The following SPNS1 variants were observed in gnomAD, a reference collection of about 807,000 sequenced individuals.
SPNS1 encodes SPNS lysolipid transporter 1, lysophospholipid, also known as protein spinster homolog 1.
Under a neutral mutation model 50.3 loss-of-function variants are expected in SPNS1, and 22 were observed. That is an observed-to-expected ratio of 0.44 (90% confidence interval 0.31 to 0.62). The LOEUF (loss-of-function observed/expected upper bound fraction) is 0.62, where lower values mean the gene tolerates loss of function less well. Ranked by LOEUF, SPNS1 falls within the 20% of genes least tolerant of loss-of-function variation. SPNS1 has a pLI of 0.07. For synonymous variants in SPNS1, 295 were observed against 317.4 expected (o/e 0.93, Z 0.75); for missense variants, 576 against 728.6 (o/e 0.79, Z 2.41).
intron 7 of SPNS1, 75 bp downstream of exon 7, chr16:28,982,131 A>G (rs534252570): frequency 1.3e-6 from 2 of 1,547,844 alleles, no homozygotes; most frequent in East Asian, 2.3e-5. Context: ...GCTCAGACCC[A>G]GGCAGGGAGT....
Position 28,976,196 on chromosome 16 carries a change from C to T in SPNS1, c.307+639C>T, listed in dbSNP as rs189651934. Among the ~76,000 whole-genome samples the T allele has an allele frequency of 3.3e-4, 50 of 152,188 alleles. No individual in the cohort carries two copies. The East Asian group carries it at 7.5e-3, about 23-fold the overall frequency. On this transcript the variant is annotated intron_variant, in intron 2 of 11. Coordinates refer to ENST00000311008, the MANE Select transcript of SPNS1 (RefSeq NM_032038.3). ...CTGAGGCATGAGAGTTACTTGAACC[C>T]GGGAGGCAGAGGTTGCAGTGAGCCG...
rs1965280343 is a variant in SPNS1, at chr16:28,974,984, G to A, written c.-168G>A. On this transcript the variant is annotated 5_prime_UTR_variant, in exon 1 of 12. Transcript: ENST00000311008. ...CTACTGAGACGGGGAGGCGTGACAG[G>A]GCCCGGGTCCCTTCTCAGTGGTGCT... The A allele has an allele frequency of 6.9e-7, 1 of 1,457,144 alleles. No individual in the cohort carries two copies. Among genetic ancestry groups the A allele is most frequent in the Non-Finnish European group, 9.0e-7 (1 of 1,105,214 alleles). 90.3% of individuals were successfully genotyped at this position (1,457,144 alleles called of 1,614,324 possible).
At position 28,975,153 on chromosome 16, in the gene SPNS1, TG is replaced by T; in HGVS notation, c.4del (p.Ala2?). 1 of 1,486,772 alleles carries T rather than the reference TG, an allele frequency of 6.7e-7. No homozygotes were observed. Among genetic ancestry groups the T allele is most frequent in the Non-Finnish European group, 8.9e-7 (1 of 1,121,246 alleles). The allele number at this position is 1,486,772 out of a possible 1,614,324, so 92.1% of individuals were successfully genotyped here. A position where few individuals can be genotyped will look rare whatever the true frequency, so the allele number is the denominator to read the frequency against. Reference sequence around the variant, plus strand: ...GGGCGGGCGCGGCCCCCCGGGACCATGGCCGGGTCCGACACCGCGCCCTTCC... The same window carrying T: ...GGGCGGGCGCGGCCCCCCGGGACCATGCCGGGTCCGACACCGCGCCCTTCC... MAGSDTAPFLS... is the reference protein window; with the variant it reads XAGSDTAPFLS... On this transcript the variant is annotated frameshift_variant and start_lost, in exon 1 of 12. Coordinates refer to ENST00000311008, the MANE Select transcript of SPNS1 (RefSeq NM_032038.3). LOFTEE classifies it high-confidence loss of function.
At position 28,983,358 on chromosome 16, in the gene SPNS1, G is replaced by A; in HGVS notation, c.1320+68G>A. ...GAGCCTGGGCTGGATCAGAAGGCCT[G>A]GCCCTAGTGAAGTGTCTGTGTCCTG... is the stretch of plus-strand genomic sequence containing the variant. On this transcript the variant is annotated intron_variant, in intron 10 of 11. Transcript: ENST00000311008. The surrounding 1 kb of genome is among the most constrained non-coding windows in gnomAD (Gnocchi z 5.4). 2 of 1,289,338 alleles carry A rather than the reference G, an allele frequency of 1.6e-6. No individual in the cohort carries two copies. Among genetic ancestry groups the A allele is most frequent in the Non-Finnish European group, 2.3e-6 (2 of 885,628 alleles). The allele number at this position is 1,289,338 out of a possible 1,614,324, so 79.9% of individuals were successfully genotyped here.
In SPNS1 at chr16:28,983,092, C is replaced by T; in HGVS notation, c.1222-100C>T. 8.1e-7 allele frequency: 1 copy of T among 1,236,100 alleles called. No individual in the cohort carries two copies. Among genetic ancestry groups the T allele is most frequent in the Non-Finnish European group, 1.2e-6 (1 of 854,514 alleles). 76.6% of individuals were successfully genotyped at this position (1,236,100 alleles called of 1,614,324 possible). ...TGCGACCTCAACCCCAGGCACACCT[C>T]TGACCCCGGCCTAGGCGGATCCTTG... On this transcript the variant is annotated intron_variant, in intron 9 of 11. Transcript: ENST00000311008. This position sits in a 1 kb window ranked among gnomAD's most constrained non-coding sequence, Gnocchi z 5.4.
chr16:28,975,541 T>C lies in SPNS1; in HGVS notation c.291T>C (p.Ser97=). 6.2e-7 allele frequency: 1 copy of C among 1,614,240 alleles called. No homozygotes were observed. Among genetic ancestry groups the C allele is most frequent in the Non-Finnish European group, 8.5e-7 (1 of 1,180,044 alleles). The change falls in exon 2 of 12, where the codon TCT becomes TCC. Residue 97 remains serine (S), a synonymous_variant. Coordinates refer to ENST00000311008, the MANE Select transcript of SPNS1 (RefSeq NM_032038.3). ...EQFFNIGDSS[S]GLIQTVFISS... The stretch of plus-strand genomic sequence containing the variant: ...TCTTCAACATCGGGGACAGTAGCTC[T>C]GGGCTCATCCAGACCGGTGAGTGGG...
intron 3 of SPNS1, 69 bp downstream of exon 3, chr16:28,978,113 G>A (rs1965406610): frequency 1.3e-6 from 2 of 1,573,228 alleles, no homozygotes; most frequent in East Asian, 2.2e-5. Context: ...GCTGCTCCTT[G>A]GAGCTATGGC....
chr16:28,974,841 AG>A lies in SPNS1; in HGVS notation c.-310del. 6.5e-7 allele frequency: 1 copy of A among 1,535,620 alleles called. No homozygotes were observed. The highest frequency in any genetic ancestry group is 8.7e-7 in the Non-Finnish European group (1 of 1,146,542). On this transcript the variant is annotated 5_prime_UTR_variant, in exon 1 of 12. In the 5' UTR this introduces an upstream ATG that the reference lacks. Transcript: ENST00000311008. ...GCAGCGCCCGGGCTGAGCGACAGCAAGTGCAGCGGGCTCCTACCCCGGGTGA... is the reference window on the plus strand; with the variant it reads ...GCAGCGCCCGGGCTGAGCGACAGCAATGCAGCGGGCTCCTACCCCGGGTGA...
At position 28,981,142 on chromosome 16, in the gene SPNS1, G is replaced by A. The variant is rs540619886; in HGVS notation, c.664-328G>A. On this transcript the variant is annotated intron_variant, in intron 5 of 11. Coordinates refer to ENST00000311008, the MANE Select transcript of SPNS1 (RefSeq NM_032038.3). This position sits in a 1 kb window ranked among gnomAD's most constrained non-coding sequence, Gnocchi z 4.2. ...TGAACATGCATCACGTGCCCTCTGC[G>A]GAATCCGTCACCGAGGCTGGGGTGG... Among the ~76,000 whole-genome samples the A allele has an allele frequency of 2.0e-5, 3 of 152,294 alleles. No individual in the cohort carries two copies. The highest frequency in any genetic ancestry group is 2.9e-5 in the Non-Finnish European group (2 of 68,034).
chr16:28,977,845 G>T (rs1477559394), intron 2 of SPNS1, 63 bp from the exon 3 acceptor site: 1 of 1,587,810 alleles, frequency 6.3e-7, no homozygotes, highest in East Asian at 2.2e-5. Flanking sequence ...AGTGGTTCCA[G>T]CTGGGGTGGG....
chr16:28,981,419 G>T lies in SPNS1; in HGVS notation c.664-51G>T, dbSNP rs1414834328. 5 of 1,610,600 alleles carry T rather than the reference G, an allele frequency of 3.1e-6. No homozygotes were observed. The highest frequency in any genetic ancestry group is 4.2e-6 in the Non-Finnish European group (5 of 1,178,002). On this transcript the variant is annotated intron_variant, in intron 5 of 11. Coordinates refer to ENST00000311008, the MANE Select transcript of SPNS1 (RefSeq NM_032038.3). The surrounding 1 kb of genome is among the most constrained non-coding windows in gnomAD (Gnocchi z 4.2). Reference sequence around the variant, plus strand: ...TACCCCACACTCTCCTCCAGCCCAGGGCTTGAGTGTGTCTCTCCCTGTGCC... The same window carrying T: ...TACCCCACACTCTCCTCCAGCCCAGTGCTTGAGTGTGTCTCTCCCTGTGCC...
At position 28,983,260 on chromosome 16, in the gene SPNS1, TGATGCTGG is replaced by T; in HGVS notation, c.1293_1300del (p.Asp431GlufsTer10). The T allele has an allele frequency of 6.2e-7, 1 of 1,614,056 alleles. No individual in the cohort carries two copies. Among genetic ancestry groups the T allele is most frequent in the Non-Finnish European group, 8.5e-7 (1 of 1,179,970 alleles). On this transcript the variant is annotated frameshift_variant, in exon 10 of 12. Transcript: ENST00000311008. LOFTEE classifies it high-confidence loss of function. This position sits in a 1 kb window ranked among gnomAD's most constrained non-coding sequence, Gnocchi z 5.4. ...AGATCGTGCTGTCCCACCTGCTGGG[TGATGCTGG>T]GAGCCCCTACCTCATTGGCCTGGTG...
chr16:28,979,447 T>C lies in SPNS1; in HGVS notation c.639T>C (p.Ala213=), dbSNP rs774932936. 1 of 1,614,142 alleles carries C rather than the reference T, an allele frequency of 6.2e-7. No individual in the cohort carries two copies. The highest frequency in any genetic ancestry group is 8.5e-7 in the Non-Finnish European group (1 of 1,180,028). ...YIAGSKVKDM[A]GDWHWALRVT... is the part of the protein sequence containing the mutation. Reference sequence around the variant, plus strand: ...CAGGCTCCAAAGTGAAGGATATGGCTGGAGACTGGCACTGGGCTCTGAGGG... The same window carrying C: ...CAGGCTCCAAAGTGAAGGATATGGCCGGAGACTGGCACTGGGCTCTGAGGG... Residue 213 remains alanine (A), a synonymous_variant, in exon 5 of 12, where the codon GCT becomes GCC. Coordinates refer to ENST00000311008, the MANE Select transcript of SPNS1 (RefSeq NM_032038.3).
intron 2 of SPNS1, among the ~76,000 whole-genome samples, chr16:28,977,066 TC>T (rs1451181931): frequency 1.3e-5 from 2 of 152,154 alleles, no homozygotes; most frequent in African/African-American, 2.4e-5. Context: ...ACACCTGTAA[TC>T]CCAGCACTTT....
chr16:28,982,969 C>T, intron 9 of SPNS1, 47 bp downstream of exon 9: 1 of 1,602,514 alleles, frequency 6.2e-7, no homozygotes, highest in Non-Finnish European at 8.5e-7. Context: ...CTGATGAGAG[C>T]AGAGTTGGGG....
At chr16:28,980,788 A>C (rs1183354844) in intron 5 of SPNS1, 1 of 152,270 alleles carries the variant, frequency 6.6e-6, no homozygotes, top group Non-Finnish European at 1.5e-5. Context: ...CAGTAGGCGG[A>C]GGTTGCAGTG....
In SPNS1 at chr16:28,977,102, G is replaced by A. The variant is rs568734624; in HGVS notation, c.308-806G>A. 2.5e-3 allele frequency among the ~76,000 whole-genome samples: 387 copies of A among 152,170 alleles called. 1 individual carries two copies. Among genetic ancestry groups the A allele is most frequent in the African/African-American group, 7.8e-3 (323 of 41,530 alleles). ...TGGGAGGCCGAGGCGGGTGGATCAC[G>A]AGATCAGGAGATTGAGACCATCCTG... On this transcript the variant is annotated intron_variant, in intron 2 of 11. Transcript: ENST00000311008.
intron 2 of SPNS1, among the ~76,000 whole-genome samples, chr16:28,975,775 G>A (rs1241253631): frequency 6.6e-6 from 1 of 152,242 alleles, no homozygotes; most frequent in Non-Finnish European, 1.5e-5. Context: ...GGTGAAGACA[G>A]ACCTGGGTTT....
At chr16:28,979,688 C>G (rs1318077556) in intron 5 of SPNS1, 17 of 566,796 alleles carry the variant, frequency 3.0e-5, no homozygotes, top group Non-Finnish European at 5.0e-5. Flanking sequence ...GTAGCTGGGA[C>G]TATAGGTGCC....
Sources: allele counts gnomAD v4.1 joint callset (sites outside exome capture counted in the v4.1 genomes callset), GRCh38; gene constraint gnomAD v4.1.1; non-coding constraint Gnocchi (gnomAD v3.1); transcripts MANE v1.5; gene names NCBI Gene and HGNC (gene_info 2026-07-23, HGNC 2026-07-21).